The following CNTN3 variants were observed in gnomAD, a reference collection of about 807,000 sequenced individuals.
The protein encoded by CNTN3 is contactin 3.
In CNTN3, 60 loss-of-function variants were observed where a neutral mutation model predicts 119.1. That is an observed-to-expected ratio of 0.50 (90% CI 0.41 to 0.62). CNTN3 has a LOEUF of 0.62. Ranked by LOEUF, CNTN3 falls within the 20% of genes least tolerant of loss-of-function variation. The pLI is 0.00. For missense variants in CNTN3, 1,101 were observed against 1,242.4 expected (o/e 0.89, Z 1.71); for synonymous variants, 450 against 438.7 (o/e 1.03, Z -0.32).
chr3:74,418,951 T>G (rs1387081701), intron 5 of CNTN3, among the ~76,000 whole-genome samples: 1 of 151,122 alleles, frequency 6.6e-6, no homozygotes, highest in Non-Finnish European at 1.5e-5. Context: ...CCACCATGCC[T>G]GGATAATTTT....
At chr3:74,411,658 T>C (rs961115252) in intron 5 of CNTN3, among the ~76,000 whole-genome samples, 9 of 152,186 alleles carry the variant, frequency 5.9e-5, no homozygotes, top group African/African-American at 2.2e-4. Context: ...GTCACCCAAA[T>C]GATGTCTAAG....
intron 1 of CNTN3, among the ~76,000 whole-genome samples, chr3:74,580,659 C>T (rs1293295783): frequency 6.6e-6 from 1 of 152,046 alleles, no homozygotes; most frequent in Non-Finnish European, 1.5e-5. Context: ...GTGATTAAGA[C>T]AAAAGTAATC....
chr3:74,486,653 T>C lies in CNTN3; in HGVS notation c.183-22A>G, dbSNP rs1559627581. 8 of 1,488,528 alleles carry C rather than the reference T, an allele frequency of 5.4e-6. No individual in the cohort carries two copies. In the Admixed American group the frequency reaches 1.6e-4, roughly 29 times the overall value. The allele number at this position is 1,488,528 out of a possible 1,614,324, so 92.2% of individuals were successfully genotyped here. A position where few individuals can be genotyped will look rare whatever the true frequency, so the allele number is the denominator to read the frequency against. ...CCATCTGTAAAACAAATATCAAGGT[T>C]CCCCCCCCTTAGTATTTTTAACTTA... is the stretch of plus-strand genomic sequence containing the variant. On this transcript the variant is annotated intron_variant, in intron 3 of 22. Transcript: ENST00000263665.
chr3:74,609,300 C>T lies in CNTN3; in HGVS notation c.-81+5091G>A, dbSNP rs532468992. ...GGCCTCATGGATTAATACAGCACTG[C>T]GTGTCAAATAGATTGGAACAAGAAA... is the stretch of plus-strand genomic sequence containing the variant. On this transcript the variant is annotated intron_variant, in intron 1 of 22. Coordinates refer to ENST00000263665, the MANE Select transcript of CNTN3 (RefSeq NM_020872.3). Among the ~76,000 whole-genome samples, 14 of 152,264 alleles carry T rather than the reference C, an allele frequency of 9.2e-5. No homozygotes were observed. The East Asian group carries it at 1.5e-3, about 17-fold the overall frequency.
In CNTN3 at chr3:74,455,789, G is replaced by C. The variant is rs1460173789; in HGVS notation, c.358+30667C>G. On this transcript the variant is annotated intron_variant, in intron 4 of 22. Coordinates refer to ENST00000263665, the MANE Select transcript of CNTN3 (RefSeq NM_020872.3). ...CACTCCAGACCCTGTTTGCCTGGAA[G>C]CCCTGGTTTTCAAGCTTCACTGTGC... 3.3e-5 allele frequency among the ~76,000 whole-genome samples: 5 copies of C among 151,860 alleles called. 1 individual carries two copies. The highest frequency in any genetic ancestry group is 2.6e-4 in the Admixed American group (4 of 15,204).
At chr3:74,456,788 T>A (rs1702277954) in intron 4 of CNTN3, among the ~76,000 whole-genome samples, 1 of 152,088 alleles carries the variant, frequency 6.6e-6, no homozygotes, top group Admixed American at 6.6e-5. Context: ...AGCTCAAAAC[T>A]TTTTTGGCAC....
At chr3:74,391,669 T>A (rs1202598204) in intron 5 of CNTN3, among the ~76,000 whole-genome samples, 1 of 148,882 alleles carries the variant, frequency 6.7e-6, no homozygotes, top group Non-Finnish European at 1.5e-5. Flanking sequence ...GGGGTTCAAG[T>A]GATTCTCCTG....
In CNTN3 at chr3:74,586,723, T is replaced by C. The variant is rs572275301; in HGVS notation, c.-81+27668A>G. Among the ~76,000 whole-genome samples, 7 of 152,220 alleles carry C rather than the reference T, an allele frequency of 4.6e-5. 2 individuals are homozygous for C. The highest frequency in any genetic ancestry group is 1.7e-4 in the African/African-American group (7 of 41,562). ...CTTAGAAAGTACCCAATACATACTG[T>C]AATAACTACTATTAGTTAGTACACG... On this transcript the variant is annotated intron_variant, in intron 1 of 22. Transcript: ENST00000263665.
intron 5 of CNTN3, among the ~76,000 whole-genome samples, chr3:74,376,243 C>T (rs1176500047): frequency 2.0e-5 from 3 of 152,108 alleles, no homozygotes; most frequent in African/African-American, 7.2e-5. Flanking sequence ...AGCAGGGGTG[C>T]CCAATCCCCC....
At chr3:74,581,136 G>A (rs990260261) in intron 1 of CNTN3, among the ~76,000 whole-genome samples, 4 of 152,058 alleles carry the variant, frequency 2.6e-5, no homozygotes, top group African/African-American at 9.7e-5. Context: ...CCTACAAGGA[G>A]TAGTAAGTCA....
At chr3:74,446,777 C>A (rs1209469191) in intron 4 of CNTN3, among the ~76,000 whole-genome samples, 1 of 150,528 alleles carries the variant, frequency 6.6e-6, no homozygotes, top group Non-Finnish European at 1.5e-5. Context: ...CAGTGCTACC[C>A]TAGAGTATTT....
At chr3:74,444,281 T>C (rs920733530) in intron 4 of CNTN3, among the ~76,000 whole-genome samples, 1 of 151,788 alleles carries the variant, frequency 6.6e-6, no homozygotes, top group Non-Finnish European at 1.5e-5. Context: ...ATGTCTCTTA[T>C]TGGGGGGGTT....
intron 5 of CNTN3, among the ~76,000 whole-genome samples, chr3:74,408,241 G>A (rs1701369144): frequency 6.6e-6 from 1 of 152,060 alleles, no homozygotes; most frequent in Non-Finnish European, 1.5e-5. Flanking sequence ...TTAAGACTAG[G>A]AATATTTCTG....
At chr3:74,424,692 A>T (rs1701668152) in intron 5 of CNTN3, among the ~76,000 whole-genome samples, 153 bp downstream of exon 5, 1 of 152,196 alleles carries the variant, frequency 6.6e-6, no homozygotes, top group Non-Finnish European at 1.5e-5. Context: ...TATTTTTTGT[A>T]GTGTTCCTCA....
At chr3:74,285,825 AT>A (rs1702104821) in intron 19 of CNTN3, among the ~76,000 whole-genome samples, 4 of 130,034 alleles carry the variant, frequency 3.1e-5, no homozygotes, top group African/African-American at 6.2e-5. Flanking sequence ...ATATATATAT[AT>A]ATATATATAT....
intron 1 of CNTN3, among the ~76,000 whole-genome samples, chr3:74,586,431 C>A: frequency 6.6e-6 from 1 of 152,086 alleles, no homozygotes; most frequent in Non-Finnish European, 1.5e-5. Context: ...TGTCTTTTAA[C>A]CTGCAATACT....
chr3:74,506,835 GAA>G (rs1421395867), intron 2 of CNTN3, among the ~76,000 whole-genome samples: 2 of 151,640 alleles, frequency 1.3e-5, no homozygotes, highest in Non-Finnish European at 2.9e-5. Flanking sequence ...CTCACCACAT[GAA>G]AAGAGTGCAT....
chr3:74,323,524 G>C (rs558123134), intron 13 of CNTN3, among the ~76,000 whole-genome samples: 1 of 152,194 alleles, frequency 6.6e-6, no homozygotes, highest in Non-Finnish European at 1.5e-5. Flanking sequence ...ACTAACTATT[G>C]CAATGAAAGT....
At chr3:74,582,795 G>GTGTA (rs960995276) in intron 1 of CNTN3, among the ~76,000 whole-genome samples, 2 of 151,936 alleles carry the variant, frequency 1.3e-5, no homozygotes, top group African/African-American at 4.8e-5. Context: ...GTGTGTGTGT[G>GTGTA]TGTGTGTGTG....
Sources: gnomAD v4.1 joint callset for allele counts (sites outside exome capture counted in the v4.1 genomes callset) on GRCh38, gnomAD v4.1.1 for gene constraint, MANE v1.5 for transcripts, NCBI Gene and HGNC (gene_info 2026-07-23, HGNC 2026-07-21) for gene names.